DNM3: variants seen among roughly 807,000 people sequenced by gnomAD.
DNM3 encodes the protein dynamin-3.
Under a neutral mutation model 101.6 loss-of-function variants are expected in DNM3, and 47 were observed. The ratio of observed to expected loss-of-function variants is 0.46; its 90% CI spans 0.37 to 0.59. The LOEUF is 0.59. Among genes scored for constraint, DNM3 ranks in the 20% least tolerant of loss-of-function variants. The pLI, the probability that DNM3 is intolerant of heterozygous loss-of-function variation, is 0.00. For missense variants in DNM3, 849 were observed against 1,085.7 expected, an observed-to-expected ratio of 0.78 and a Z score of 3.06; for synonymous variants, 385 against 387.9, an observed-to-expected ratio of 0.99 and a Z score of 0.09.
intron 1 of DNM3, among the ~76,000 whole-genome samples, chr1:171,859,965 C>T (rs553835584): frequency 5.3e-5 from 8 of 152,112 alleles, no homozygotes; most frequent in African/African-American, 1.4e-4. Context: ...AGAGCTCAGT[C>T]GAGAGGGAGA....
At chr1:171,981,029 A>C (rs1027670628) in intron 2 of DNM3, among the ~76,000 whole-genome samples, 2 of 152,094 alleles carry the variant, frequency 1.3e-5, no homozygotes, top group South Asian at 4.1e-4. Context: ...CCTCAGCCTC[A>C]GTGGTGGGAT....
chr1:171,869,363 TG>T (rs1357543084), intron 1 of DNM3, among the ~76,000 whole-genome samples: 4 of 152,200 alleles, frequency 2.6e-5, no homozygotes, highest in African/African-American at 9.6e-5. Flanking sequence ...CATAGGATCT[TG>T]GAAGAGTTCA....
intron 1 of DNM3, among the ~76,000 whole-genome samples, chr1:171,908,929 C>T (rs892734055): frequency 8.5e-5 from 13 of 152,130 alleles, no homozygotes; most frequent in African/African-American, 2.4e-4. Flanking sequence ...TCCCTTCCTT[C>T]CATCTTTCCT....
chr1:171,942,988 T>C (rs556072293), intron 2 of DNM3, among the ~76,000 whole-genome samples: 81 of 152,220 alleles, frequency 5.3e-4, no homozygotes, highest in African/African-American at 1.9e-3. Flanking sequence ...GGCATGCATC[T>C]GTAGTCCCAG....
intron 2 of DNM3, among the ~76,000 whole-genome samples, chr1:171,949,278 A>C (rs1166968056): frequency 2.0e-5 from 3 of 152,226 alleles, no homozygotes; most frequent in Non-Finnish European, 4.4e-5. Flanking sequence ...AAGGATCAAG[A>C]ATCCACCAAG....
chr1:172,170,687 G>C (rs558435311), intron 14 of DNM3, among the ~76,000 whole-genome samples: 1 of 151,766 alleles, frequency 6.6e-6, no homozygotes, highest in Admixed American at 6.6e-5. Context: ...TGTTTGCTTT[G>C]TTTTTCTGAC....
intron 14 of DNM3, among the ~76,000 whole-genome samples, chr1:172,201,655 G>A (rs2060157024): frequency 1.3e-5 from 2 of 152,202 alleles, no homozygotes; most frequent in South Asian, 4.1e-4. Flanking sequence ...AAGGCACTTA[G>A]GGTTTTTACT....
At chr1:172,300,799 T>A (rs1300667499) in intron 15 of DNM3, among the ~76,000 whole-genome samples, 5 of 152,194 alleles carry the variant, frequency 3.3e-5, no homozygotes, top group African/African-American at 7.2e-5. Context: ...GTGATTATAA[T>A]AACAATTTAA....
intron 14 of DNM3, among the ~76,000 whole-genome samples, chr1:172,132,530 A>C (rs376735796): frequency 2.0e-5 from 3 of 152,162 alleles, no homozygotes; most frequent in East Asian, 3.8e-4. Flanking sequence ...ACATAGTTTG[A>C]GGAGCTCAGA....
At chr1:172,159,068 T>C (rs2148278111) in intron 14 of DNM3, among the ~76,000 whole-genome samples, 1 of 152,080 alleles carries the variant, frequency 6.6e-6, no homozygotes, top group Admixed American at 6.6e-5. Flanking sequence ...AGGCAGTGAG[T>C]CAAGTCATCT....
In DNM3 at chr1:172,411,359, C is replaced by A; in HGVS notation, c.*3518C>A. ...CCATAGACATTTGTATCTGAATCCA[C>A]AAGAAGATCTGAATCTAAGAAGGAA... On this transcript the variant is annotated 3_prime_UTR_variant, in exon 21 of 21. Transcript: ENST00000627582. 1 of 984,924 alleles carries A rather than the reference C, an allele frequency of 1.0e-6. No individual in the cohort carries two copies. 61.0% of individuals were successfully genotyped at this position (984,924 alleles called of 1,614,324 possible). A position where few individuals can be genotyped will look rare whatever the true frequency, so the allele number is the denominator to read the frequency against.
intron 15 of DNM3, among the ~76,000 whole-genome samples, chr1:172,286,641 C>T (rs534286633): frequency 1.1e-4 from 17 of 152,218 alleles, no homozygotes; most frequent in South Asian, 4.1e-4. Context: ...GAGACACCAG[C>T]CCCACATCTC....
intron 14 of DNM3, among the ~76,000 whole-genome samples, chr1:172,164,524 G>A (rs989475556): frequency 1.3e-5 from 2 of 151,946 alleles, no homozygotes; most frequent in Non-Finnish European, 2.9e-5. Context: ...TGTATCTGGA[G>A]CAACCACTTC....
intron 14 of DNM3, among the ~76,000 whole-genome samples, chr1:172,191,475 C>G (rs1394859402): frequency 6.6e-6 from 1 of 152,074 alleles, no homozygotes; most frequent in African/African-American, 2.4e-5. Context: ...GTTCTTTTGG[C>G]TTAGGATTGT....
chr1:172,400,779 T>G (rs2149111196), intron 20 of DNM3, among the ~76,000 whole-genome samples: 1 of 152,320 alleles, frequency 6.6e-6, no homozygotes, highest in Middle Eastern at 3.4e-3. Context: ...ATTTGGTATT[T>G]GTGATAAAGA....
chr1:171,971,810 T>C (rs1213911407), intron 2 of DNM3, among the ~76,000 whole-genome samples: 1 of 152,164 alleles, frequency 6.6e-6, no homozygotes, highest in Non-Finnish European at 1.5e-5. Context: ...TTAAGCTTCA[T>C]ACGAAAATGA....
intron 2 of DNM3, among the ~76,000 whole-genome samples, chr1:171,977,426 A>C (rs1278918956): frequency 6.6e-6 from 1 of 152,256 alleles, no homozygotes; most frequent in African/African-American, 2.4e-5. Flanking sequence ...ACAACTGTAA[A>C]CTTGATAGCA....
chr1:171,946,716 T>TACAA (rs2042195020), intron 2 of DNM3, among the ~76,000 whole-genome samples: 1 of 152,168 alleles, frequency 6.6e-6, no homozygotes, highest in African/African-American at 2.4e-5. Flanking sequence ...AGAAGCATGG[T>TACAA]GTCAGCAACT....
chr1:171,866,895 G>GA (rs1469598130), intron 1 of DNM3, among the ~76,000 whole-genome samples: 1 of 152,210 alleles, frequency 6.6e-6, no homozygotes, highest in Non-Finnish European at 1.5e-5. Context: ...AATGTGCTGA[G>GA]ATGACATAGA....
Sources: allele counts gnomAD v4.1 joint callset (sites outside exome capture counted in the v4.1 genomes callset), GRCh38; gene constraint gnomAD v4.1.1; transcripts MANE v1.5; gene names NCBI Gene and HGNC (gene_info 2026-07-23, HGNC 2026-07-21).